TCEANC2: variants seen among roughly 807,000 people sequenced by gnomAD.
TCEANC2 encodes the protein transcription elongation factor A N-terminal and central domain containing 2, also known as transcription elongation factor A N-terminal and central domain-containing protein 2.
In TCEANC2, 20 loss-of-function variants were observed where a neutral mutation model predicts 22.8. The ratio of observed to expected loss-of-function variants is 0.88; its 90% CI spans 0.62 to 1.28. The LOEUF (loss-of-function observed/expected upper bound fraction) is 1.28. Among genes scored for constraint, TCEANC2 ranks in the 50% most tolerant of loss-of-function variants. The pLI, the probability that TCEANC2 is intolerant of heterozygous loss-of-function variation, is 0.00. For missense variants in TCEANC2, 251 were observed against 249.7 expected, an observed-to-expected ratio of 1.01 and a Z score of -0.03; for synonymous variants, 84 against 95.5, an observed-to-expected ratio of 0.88 and a Z score of 0.70.
At chr1:54,094,736 A>G (rs1570024818) in intron 4 of TCEANC2, among the ~76,000 whole-genome samples, 1 of 152,248 alleles carries the variant, frequency 6.6e-6, no homozygotes, top group Non-Finnish European at 1.5e-5. Flanking sequence ...AAATGTTTGA[A>G]TGAGTGGCTA....
At chr1:54,108,588 C>T (rs1046530553), downstream of TCEANC2, among the ~76,000 whole-genome samples, 4 of 152,098 alleles carry the variant, frequency 2.6e-5, no homozygotes, top group Non-Finnish European at 4.4e-5. Flanking sequence ...TCCAGAACTG[C>T]GACAAAATAA....
chr1:54,057,977 C>T (rs775291969), intron 2 of TCEANC2, among the ~76,000 whole-genome samples: 4 of 152,226 alleles, frequency 2.6e-5, no homozygotes, highest in Non-Finnish European at 4.4e-5. Flanking sequence ...AGAACATAGA[C>T]TCTGGAGCCA....
chr1:54,054,085 A>T, intron 1 of TCEANC2: 4 of 373,356 alleles, frequency 1.1e-5, no homozygotes, highest in East Asian at 4.3e-5. Flanking sequence ...GCTTAGGTGC[A>T]CGCTCTAGCG....
Position 54,096,883 on chromosome 1 carries a change from C to A in TCEANC2, c.*410C>A. On this transcript the variant is annotated 3_prime_UTR_variant, in exon 5 of 5. Coordinates refer to ENST00000234827, the MANE Select transcript of TCEANC2 (RefSeq NM_153035.3). This position sits in a 1 kb window ranked among gnomAD's most constrained non-coding sequence, Gnocchi z 4.9. ...AATTACCGCTGCCGCTCACTCGGTTCCATCCCCCTGAGTTTAGATAGCTCT... is the reference window on the plus strand; with the variant it reads ...AATTACCGCTGCCGCTCACTCGGTTACATCCCCCTGAGTTTAGATAGCTCT... The A allele has an allele frequency of 1.0e-6, 1 of 990,690 alleles. No homozygotes were observed. Among genetic ancestry groups the A allele is most frequent in the Non-Finnish European group, 1.2e-6 (1 of 832,960 alleles). The allele number at this position is 990,690 out of a possible 1,614,324, so 61.4% of individuals were successfully genotyped here.
chr1:54,077,816 CT>C (rs1249772187), intron 3 of TCEANC2, among the ~76,000 whole-genome samples: 1 of 152,118 alleles, frequency 6.6e-6, no homozygotes, highest in Non-Finnish European at 1.5e-5. Flanking sequence ...GTCCTTGTTT[CT>C]TTCCTTTCTG....
rs756973311 is a variant in TCEANC2 at position 54,088,698 on chromosome 1, A to C, written c.346A>C (p.Asn116His). 5.0e-6 allele frequency: 8 copies of C among 1,611,382 alleles called. No homozygotes were observed. The highest frequency in any genetic ancestry group is 1.7e-5 in the Admixed American group (1 of 59,576). ...EWKTFTEKHSNRPSIEVRSDP... is the reference protein window; with the variant it reads ...EWKTFTEKHSHRPSIEVRSDP... ...GAAAACTTTCACTGAAAAACATTCA[A>C]ATAGACCTTCTATTGAAGTTAGAAG... Residue 116 changes from asparagine (N) to histidine (H), a missense_variant, in exon 4 of 5, where the codon AAT becomes CAT. Physicochemically the swap from Asn to His is moderately conservative, Grantham distance 68. Coordinates refer to ENST00000234827, the MANE Select transcript of TCEANC2 (RefSeq NM_153035.3).
downstream of TCEANC2, among the ~76,000 whole-genome samples, chr1:54,108,971 C>CA (rs113895114): frequency 2.0e-4 from 30 of 148,272 alleles, no homozygotes; most frequent in African/African-American, 3.5e-4. Flanking sequence ...GACTCCGTCC[C>CA]AAAAAAAAAA....
intron 4 of TCEANC2, 98 bp downstream of exon 4, chr1:54,088,888 G>A (rs1658391097): frequency 1.3e-6 from 1 of 775,162 alleles, no homozygotes; most frequent in Non-Finnish European, 1.9e-6. Context: ...GTGATTAGTA[G>A]GTGCTCTTGG....
chr1:54,059,646 G>A (rs1657815426), intron 2 of TCEANC2, among the ~76,000 whole-genome samples: 1 of 152,138 alleles, frequency 6.6e-6, no homozygotes, highest in Non-Finnish European at 1.5e-5. Context: ...TTACTTTACT[G>A]TATTGTAATT....
intron 2 of TCEANC2, 34 bp from the exon 3 acceptor site, chr1:54,068,722 G>A (rs565242457): frequency 6.4e-7 from 1 of 1,574,348 alleles, no homozygotes; most frequent in South Asian, 1.2e-5. Flanking sequence ...TAATGAAAAT[G>A]TTCCATTTTC....
At chr1:54,076,753 T>G (rs1658152285) in intron 3 of TCEANC2, among the ~76,000 whole-genome samples, 1 of 152,226 alleles carries the variant, frequency 6.6e-6, no homozygotes, top group East Asian at 1.9e-4. Flanking sequence ...TATTCATTCA[T>G]GTGCCAGGCA....
At chr1:54,071,923 C>T (rs1272539951) in intron 3 of TCEANC2, among the ~76,000 whole-genome samples, 1 of 151,874 alleles carries the variant, frequency 6.6e-6, no homozygotes. Flanking sequence ...GTGATCCCCC[C>T]ACCTCAGCCC....
rs1237443276 is a variant in TCEANC2 at position 54,096,482 on chromosome 1, C to T, written c.*9C>T. The T allele has an allele frequency of 4.4e-6, 7 of 1,588,344 alleles. No homozygotes were observed. In the South Asian group the frequency reaches 4.4e-5, roughly 10 times the overall value. On this transcript the variant is annotated 3_prime_UTR_variant, in exon 5 of 5. Coordinates refer to ENST00000234827, the MANE Select transcript of TCEANC2 (RefSeq NM_153035.3). This position sits in a 1 kb window ranked among gnomAD's most constrained non-coding sequence, Gnocchi z 4.9. ...AGACCCACAAAAAGTGACCTGAGGA[C>T]GGTTCCAGCCCTGGGCCAGGCAGAG...
exon 5 of TCEANC2, chr1:54,112,345 A>T (rs1057478920): frequency 6.6e-6 from 1 of 152,234 alleles, no homozygotes; most frequent in African/African-American, 2.4e-5. Context: ...AGCCTGGGCG[A>T]CAGAGACCCT....
chr1:54,070,768 A>G (rs958273123), intron 3 of TCEANC2, among the ~76,000 whole-genome samples: 13 of 152,232 alleles, frequency 8.5e-5, no homozygotes, highest in Admixed American at 2.6e-4. Context: ...CCTGTGGGTT[A>G]TAAGGGACAA....
rs541103965 is a variant in TCEANC2 at position 54,092,378 on chromosome 1, T to C, written c.438+3588T>C. On this transcript the variant is annotated intron_variant, in intron 4 of 4. Transcript: ENST00000234827. ...AGCAGTTAAATCTGATGGGGGAATCTGGGAATGTTTCGGAGAAGAGATGGC... is the reference window on the plus strand; with the variant it reads ...AGCAGTTAAATCTGATGGGGGAATCCGGGAATGTTTCGGAGAAGAGATGGC... Among the ~76,000 whole-genome samples, 142 of 152,300 alleles carry C rather than the reference T, an allele frequency of 9.3e-4. 1 individual carries two copies. The highest frequency in any genetic ancestry group is 3.2e-3 in the African/African-American group (135 of 41,568).
intron 2 of TCEANC2, among the ~76,000 whole-genome samples, chr1:54,058,448 A>C (rs1246195257): frequency 6.6e-6 from 1 of 152,194 alleles, no homozygotes; most frequent in African/African-American, 2.4e-5. Flanking sequence ...ACTATGTCTC[A>C]TTGATTTTGT....
In TCEANC2 at chr1:54,096,268, A is replaced by AT. The variant is rs1318622576; in HGVS notation, c.439-13dup. The AT allele has an allele frequency of 6.3e-7, 1 of 1,580,130 alleles. No homozygotes were observed. The highest frequency in any genetic ancestry group is 1.3e-5 in the African/African-American group (1 of 74,136). On this transcript the variant is annotated splice_polypyrimidine_tract_variant and intron_variant, in intron 4 of 4. Coordinates refer to ENST00000234827, the MANE Select transcript of TCEANC2 (RefSeq NM_153035.3). This position sits in a 1 kb window ranked among gnomAD's most constrained non-coding sequence, Gnocchi z 4.9. ...CGCAATGTAAGGCTCTAATTTGATA[A>AT]TTTTGCTGTTTTTTAGATGGATCAC...
Position 54,084,770 on chromosome 1 carries a change from T to TA in TCEANC2, c.245-3815dup, listed in dbSNP as rs59615261. Among the ~76,000 whole-genome samples the TA allele has an allele frequency of 3.2e-3, 466 of 144,556 alleles. 1 individual carries two copies. The highest frequency in any genetic ancestry group is 3.7e-3 in the Non-Finnish European group (241 of 65,286). 94.8% of individuals were successfully genotyped at this position (144,556 alleles called of 152,430 possible). On this transcript the variant is annotated intron_variant, in intron 3 of 4. Coordinates refer to ENST00000234827, the MANE Select transcript of TCEANC2 (RefSeq NM_153035.3). ...CTGGGTGACAGAGCAAAACTCCGTC[T>TA]AAAAAAAAAAAAGTGTTTAAATGCT...
Sources: allele counts gnomAD v4.1 joint callset (sites outside exome capture counted in the v4.1 genomes callset), GRCh38; gene constraint gnomAD v4.1.1; non-coding constraint Gnocchi (gnomAD v3.1); transcripts MANE v1.5; gene names NCBI Gene and HGNC (gene_info 2026-07-23, HGNC 2026-07-21).